Variants in PPIP5K1 observed in about 807,000 individuals in gnomAD.
PPIP5K1 encodes the protein inositol hexakisphosphate and diphosphoinositol-pentakisphosphate kinase 1.
A neutral mutation model predicts 27.7 loss-of-function variants in PPIP5K1; 6 were observed. The ratio of observed to expected loss-of-function variants is 0.22; its 90% CI spans 0.12 to 0.43. PPIP5K1 has a LOEUF of 0.43. Ranked by LOEUF, PPIP5K1 falls within the 20% of genes least tolerant of loss-of-function variation. The pLI is 1.00. For missense variants in PPIP5K1, 394 were observed against 635.4 expected (o/e 0.62, Z 4.08); for synonymous variants, 145 against 242.6 (o/e 0.60, Z 3.74).
intron 30 of PPIP5K1, among the ~76,000 whole-genome samples, chr15:43,554,861 G>A (rs1000855411): frequency 6.6e-6 from 1 of 151,170 alleles, no homozygotes; most frequent in African/African-American, 2.4e-5. Context: ...TTCAGATGGA[G>A]TTTCTCTCTT....
Position 43,534,445 on chromosome 15 carries a change from T to C in PPIP5K1, c.*229A>G. On this transcript the variant is annotated 3_prime_UTR_variant, in exon 32 of 32. Coordinates refer to ENST00000420765, the MANE Select transcript of PPIP5K1 (RefSeq NM_001394395.1). ...GAACTACTTCCCCAGACACCGCTGG[T>C]GAGAGCTGGCCAGTGAGTTAGCCAA... is the stretch of plus-strand genomic sequence containing the variant. The C allele has an allele frequency of 2.4e-6, 1 of 415,744 alleles. No homozygotes were observed. Among genetic ancestry groups the C allele is most frequent in the Non-Finnish European group, 4.3e-6 (1 of 235,226 alleles). 25.8% of individuals were successfully genotyped at this position (415,744 alleles called of 1,614,324 possible). A position where few individuals can be genotyped will look rare whatever the true frequency, so the allele number is the denominator to read the frequency against.
chr15:43,542,647 A>AGTGTGT (rs56361192), intron 30 of PPIP5K1, among the ~76,000 whole-genome samples: 6,620 of 121,112 alleles, frequency 0.055, 253 homozygotes, highest in Non-Finnish European at 0.073. Flanking sequence ...ATATATATTC[A>AGTGTGT]GTGTGTGTGT....
At chr15:43,559,063 C>T in intron 29 of PPIP5K1, 131 bp from the exon 30 acceptor site, 3 of 1,065,492 alleles carry the variant, frequency 2.8e-6, no homozygotes, top group Non-Finnish European at 4.1e-6. Flanking sequence ...GTATCCAAGA[C>T]TCTTAGGAGA....
intron 30 of PPIP5K1, among the ~76,000 whole-genome samples, chr15:43,558,231 A>T (rs1416838978): frequency 7.5e-6 from 1 of 133,798 alleles, no homozygotes; most frequent in Non-Finnish European, 1.6e-5. Context: ...TAATGTTTGT[A>T]TTTTTTTTTT....
intron 29 of PPIP5K1, among the ~76,000 whole-genome samples, chr15:43,559,473 A>G (rs2083496011): frequency 6.6e-6 from 1 of 152,226 alleles, no homozygotes; most frequent in Non-Finnish European, 1.5e-5. Context: ...ACTGGAGGGC[A>G]TGCAATACAC....
chr15:43,545,474 C>CT (rs56710390), intron 30 of PPIP5K1, among the ~76,000 whole-genome samples: 2,130 of 119,058 alleles, frequency 0.018, 47 homozygotes, highest in East Asian at 0.091. Context: ...CTGTACACTT[C>CT]TTTTTTTTTT....
intron 30 of PPIP5K1, among the ~76,000 whole-genome samples, chr15:43,548,191 C>T (rs945169883): frequency 4.0e-5 from 6 of 151,686 alleles, no homozygotes; most frequent in African/African-American, 7.3e-5. Flanking sequence ...CTCCGCCTCC[C>T]GGGTTCAAGC....
intron 10 of PPIP5K1, among the ~76,000 whole-genome samples, chr15:43,579,378 T>TAA (rs1271817010): frequency 8.8e-5 from 3 of 34,222 alleles, no homozygotes; most frequent in Non-Finnish European, 1.4e-4. Context: ...GGGGCTTCGA[T>TAA]TATATACACA....
At position 43,535,074 on chromosome 15, in the gene PPIP5K1, T is replaced by G; in HGVS notation, c.4073A>C (p.Gln1358Pro). 6.2e-7 allele frequency: 1 copy of G among 1,614,144 alleles called. No homozygotes were observed. Among genetic ancestry groups the G allele is most frequent in the South Asian group, 1.1e-5 (1 of 91,076 alleles). The change falls in exon 32 of 32, where the codon CAG (glutamine) becomes CCG (proline). Residue 1358 changes from glutamine to proline, a missense_variant. Around this residue, in one of 4 missense-constraint regions of PPIP5K1, gnomAD observed 379 missense variants for 423.9 expected, o/e 0.89. Transcript: ENST00000420765. The part of the protein sequence containing the change: ...ENHDNGNHTC[Q>P]EVPHISQPCQ... ...TGGCTGGCTGATGTGAGGGACCTCC[T>G]GGCATGTGTGGTTACCATTGTCATG... is the stretch of plus-strand genomic sequence containing the variant.
intron 31 of PPIP5K1, chr15:43,536,105 A>G (rs2079807614): frequency 7.8e-7 from 1 of 1,286,758 alleles, no homozygotes; most frequent in Non-Finnish European, 1.0e-6. Flanking sequence ...AACCATGTAA[A>G]TCAGAACAAT....
chr15:43,558,466 T>C (rs571183546), intron 30 of PPIP5K1, among the ~76,000 whole-genome samples: 1 of 152,234 alleles, frequency 6.6e-6, no homozygotes, highest in East Asian at 1.9e-4. Context: ...GACCTCGTGA[T>C]CCACCCGCCT....
intron 31 of PPIP5K1, among the ~76,000 whole-genome samples, chr15:43,535,881 A>G (rs973913164): frequency 1.3e-5 from 2 of 152,152 alleles, no homozygotes; most frequent in Non-Finnish European, 2.9e-5. Context: ...CCAGTTTTCA[A>G]CTCCAGAGAT....
In PPIP5K1 at chr15:43,558,945, A is replaced by G; in HGVS notation, c.3419-13T>C. Reference sequence around the variant, plus strand: ...CACCCTTCAAACCCTGTTTGAAAAGAGATGGGCAAAGTCAATGTTACTCCT... The same window carrying G: ...CACCCTTCAAACCCTGTTTGAAAAGGGATGGGCAAAGTCAATGTTACTCCT... On this transcript the variant is annotated splice_polypyrimidine_tract_variant and intron_variant, in intron 29 of 31. Coordinates refer to ENST00000420765, the MANE Select transcript of PPIP5K1 (RefSeq NM_001394395.1). 1 of 1,612,530 alleles carries G rather than the reference A, an allele frequency of 6.2e-7. No homozygotes were observed. Among genetic ancestry groups the G allele is most frequent in the South Asian group, 1.1e-5 (1 of 91,020 alleles).
intron 30 of PPIP5K1, among the ~76,000 whole-genome samples, chr15:43,550,355 A>G (rs1331589628): frequency 1.3e-5 from 2 of 151,942 alleles, no homozygotes; most frequent in East Asian, 1.9e-4. Context: ...TATGTTGTCC[A>G]GGCTTGTCTC....
chr15:43,536,873 A>G (rs1206305106), intron 31 of PPIP5K1, among the ~76,000 whole-genome samples: 1 of 152,156 alleles, frequency 6.6e-6, no homozygotes, highest in African/African-American at 2.4e-5. Flanking sequence ...TGATAATATT[A>G]TAACGATATA....
intron 30 of PPIP5K1, 98 bp downstream of exon 30, chr15:43,558,697 G>C: frequency 6.7e-7 from 1 of 1,491,750 alleles, no homozygotes; most frequent in Non-Finnish European, 9.1e-7. Flanking sequence ...TGTCTTTGTG[G>C]ATTGCCTAAC....
At chr15:43,552,281 T>C (rs2082305225) in intron 30 of PPIP5K1, among the ~76,000 whole-genome samples, 1 of 152,120 alleles carries the variant, frequency 6.6e-6, no homozygotes, top group Non-Finnish European at 1.5e-5. Flanking sequence ...TAAATATTTA[T>C]AGCTATAAAG....
At position 43,534,739 on chromosome 15, in the gene PPIP5K1, G is replaced by C. The variant is rs376717854; in HGVS notation, c.4408C>G (p.Pro1470Ala). 4.5e-5 allele frequency: 70 copies of C among 1,548,430 alleles called. No individual in the cohort carries two copies. The highest frequency in any genetic ancestry group is 5.4e-5 in the Non-Finnish European group (62 of 1,150,608). ...LSQGIPEIDKPSQEFPEEIDL... is the reference protein window; with the variant it reads ...LSQGIPEIDKASQEFPEEIDL... ...ATCTCCTCAGGGAACTCTTGGGATG[G>C]TTTATCAATCTCAGGGATGCCCTGA... Residue 1470 changes from proline (P) to alanine (A), a missense_variant, in exon 32 of 32, where the codon CCA becomes GCA. Around this residue, in one of 4 missense-constraint regions of PPIP5K1, gnomAD observed 379 missense variants for 423.9 expected, o/e 0.89. Transcript: ENST00000420765.
At chr15:43,554,317 T>G (rs1175717213) in intron 30 of PPIP5K1, among the ~76,000 whole-genome samples, 1 of 152,132 alleles carries the variant, frequency 6.6e-6, no homozygotes, top group Non-Finnish European at 1.5e-5. Flanking sequence ...TTCTCTTACT[T>G]GTAACAACTT....
Sources: allele counts gnomAD v4.1 joint callset (sites outside exome capture counted in the v4.1 genomes callset), GRCh38; gene constraint gnomAD v4.1.1; regional missense constraint gnomAD v4.1.1; transcripts MANE v1.5; gene names NCBI Gene and HGNC (gene_info 2026-07-23, HGNC 2026-07-21).